Variants in NRXN3 observed in about 807,000 individuals in gnomAD.
The protein encoded by NRXN3 is neurexin III.
NRXN3 carries 32 observed loss-of-function variants against 137.6 expected under a neutral mutation model. The ratio of observed to expected loss-of-function variants is 0.23; its 90% CI spans 0.18 to 0.31. NRXN3 has a LOEUF of 0.31. NRXN3 is among the 10% of genes least tolerant of loss of function. The pLI, the probability that NRXN3 is intolerant of heterozygous loss-of-function variation, is 1.00. For missense variants in NRXN3, 1,574 were observed against 2,062.5 expected (o/e 0.76, Z 4.59); for synonymous variants, 798 against 784.5 (o/e 1.02, Z -0.29).
At chr14:78,637,022 T>C (rs953893347) in intron 4 of NRXN3, among the ~76,000 whole-genome samples, 4 of 152,136 alleles carry the variant, frequency 2.6e-5, no homozygotes, top group Non-Finnish European at 5.9e-5. Context: ...TAGGAATGTC[T>C]CCTGGCTCCC....
intron 15 of NRXN3, among the ~76,000 whole-genome samples, chr14:79,073,247 T>A (rs1322176884): frequency 3.3e-5 from 5 of 152,074 alleles, no homozygotes; most frequent in Non-Finnish European, 7.4e-5. Flanking sequence ...ATATCCCCCC[T>A]TTTTTGGAGA....
At chr14:79,551,017 T>C (rs1404518974) in intron 16 of NRXN3, among the ~76,000 whole-genome samples, 1 of 152,182 alleles carries the variant, frequency 6.6e-6, no homozygotes, top group African/African-American at 2.4e-5. Context: ...CAGACATGAA[T>C]TTGAGTCCCA....
At chr14:79,296,954 C>T (rs2153470069) in intron 15 of NRXN3, among the ~76,000 whole-genome samples, 1 of 152,334 alleles carries the variant, frequency 6.6e-6, no homozygotes, top group South Asian at 2.1e-4. Flanking sequence ...ACTCAAAGGT[C>T]CTTCTGCCTT....
intron 15 of NRXN3, among the ~76,000 whole-genome samples, chr14:79,361,051 A>G (rs1303976185): frequency 1.3e-5 from 2 of 152,250 alleles, no homozygotes; most frequent in African/African-American, 2.4e-5. Flanking sequence ...GCTGTTAGCT[A>G]TGATGAAGGC....
intron 4 of NRXN3, among the ~76,000 whole-genome samples, chr14:78,381,055 G>A (rs1427861380): frequency 6.6e-6 from 1 of 152,172 alleles, no homozygotes; most frequent in African/African-American, 2.4e-5. Flanking sequence ...TGGAGAAAAG[G>A]TAGCTTTTTC....
At chr14:79,583,114 G>T (rs573727042) in intron 16 of NRXN3, among the ~76,000 whole-genome samples, 1 of 152,316 alleles carries the variant, frequency 6.6e-6, no homozygotes, top group African/African-American at 2.4e-5. Flanking sequence ...ACTGATTTCA[G>T]TACAATACAT....
intron 16 of NRXN3, among the ~76,000 whole-genome samples, chr14:79,534,173 T>C (rs1174456113): frequency 6.6e-6 from 1 of 152,182 alleles, no homozygotes; most frequent in Non-Finnish European, 1.5e-5. Flanking sequence ...AAACTTTGAA[T>C]CTTGGAGAAG....
chr14:78,945,349 T>G (rs1447980771), intron 10 of NRXN3, among the ~76,000 whole-genome samples: 1 of 152,196 alleles, frequency 6.6e-6, no homozygotes, highest in Admixed American at 6.5e-5. Context: ...CTGGCCTTAT[T>G]TTTTTTCTCT....
intron 4 of NRXN3, among the ~76,000 whole-genome samples, chr14:78,627,310 GA>G (rs2097474702): frequency 6.6e-6 from 1 of 152,144 alleles, no homozygotes; most frequent in Non-Finnish European, 1.5e-5. Context: ...AGGCCTTCAG[GA>G]GACTGGATTG....
chr14:79,561,283 CAGAA>C (rs1025267450), intron 16 of NRXN3, among the ~76,000 whole-genome samples: 21 of 152,054 alleles, frequency 1.4e-4, no homozygotes, highest in African/African-American at 5.1e-4. Context: ...GAAGAGATGT[CAGAA>C]AGAGAGAACA....
chr14:79,469,620 A>T (rs2096473664), intron 16 of NRXN3, among the ~76,000 whole-genome samples: 1 of 152,192 alleles, frequency 6.6e-6, no homozygotes. Context: ...CACTTGGGTG[A>T]TACAGCCGAT....
At chr14:79,085,127 T>G (rs1238708765) in intron 15 of NRXN3, among the ~76,000 whole-genome samples, 1 of 152,154 alleles carries the variant, frequency 6.6e-6, no homozygotes, top group Non-Finnish European at 1.5e-5. Context: ...TCCTAAGCAC[T>G]TATTTGAATT....
At chr14:79,257,016 A>G in intron 15 of NRXN3, among the ~76,000 whole-genome samples, 1 of 151,980 alleles carries the variant, frequency 6.6e-6, no homozygotes, top group South Asian at 2.1e-4. Flanking sequence ...CTGCTGTCTT[A>G]TTTGTCCTTA....
chr14:78,740,558 T>C (rs916535331), intron 8 of NRXN3, among the ~76,000 whole-genome samples: 15 of 151,082 alleles, frequency 9.9e-5, no homozygotes, highest in Admixed American at 4.6e-4. Context: ...TTTTTTTTTT[T>C]ACACATTAGC....
At chr14:79,273,500 G>A (rs1056840451) in intron 15 of NRXN3, among the ~76,000 whole-genome samples, 4 of 151,854 alleles carry the variant, frequency 2.6e-5, no homozygotes, top group Non-Finnish European at 5.9e-5. Context: ...CAGGCGTGGT[G>A]GTGGGCACCT....
intron 15 of NRXN3, among the ~76,000 whole-genome samples, chr14:79,308,760 C>T (rs531632483): frequency 9.3e-5 from 14 of 150,104 alleles, no homozygotes; most frequent in African/African-American, 1.7e-4. Flanking sequence ...TCACTAAGAA[C>T]GCAATTGAGA....
intron 6 of NRXN3, among the ~76,000 whole-genome samples, chr14:78,670,235 C>T (rs2097922016): frequency 6.6e-6 from 1 of 152,104 alleles, no homozygotes; most frequent in Non-Finnish European, 1.5e-5. Flanking sequence ...GTATATGTGC[C>T]ATAATTTCTT....
At chr14:79,155,943 A>G (rs1568450526) in intron 15 of NRXN3, among the ~76,000 whole-genome samples, 1 of 151,846 alleles carries the variant, frequency 6.6e-6, no homozygotes, top group Non-Finnish European at 1.5e-5. Flanking sequence ...ACTTTTATAC[A>G]TAGATGTTTT....
chr14:79,489,456 T>C (rs2096690997), intron 16 of NRXN3, among the ~76,000 whole-genome samples: 1 of 152,148 alleles, frequency 6.6e-6, no homozygotes. Context: ...GAAAAAATCT[T>C]TGTGGAGTTT....
Sources: gnomAD v4.1 joint callset for allele counts (sites outside exome capture counted in the v4.1 genomes callset) on GRCh38, gnomAD v4.1.1 for gene constraint, MANE v1.5 for transcripts, NCBI Gene and HGNC (gene_info 2026-07-23, HGNC 2026-07-21) for gene names.